Variants in ATM observed in about 807,000 individuals in gnomAD.
The protein encoded by ATM is ATM serine/threonine kinase, also known as serine-protein kinase ATM.
In ATM, 308 loss-of-function variants were observed where a neutral mutation model predicts 387.0. That is an observed-to-expected ratio of 0.80 (90% CI 0.73 to 0.87). The LOEUF (loss-of-function observed/expected upper bound fraction) is 0.87, where lower values mean the gene tolerates loss of function less well. Ranked by LOEUF, ATM falls within the 40% of genes least tolerant of loss-of-function variation. ATM has a pLI of 0.00. For missense variants in ATM, 3,312 were observed against 3,560.9 expected (o/e 0.93, Z 1.78); for synonymous variants, 1,156 against 1,187.3 (o/e 0.97, Z 0.54).
chr11:108,333,911 G>A lies in ATM; in HGVS notation c.7953G>A (p.Gln2651=), dbSNP rs2136612664. 6.2e-7 allele frequency: 1 copy of A among 1,610,968 alleles called. No individual in the cohort carries two copies. Among genetic ancestry groups the A allele is most frequent in the South Asian group, 1.1e-5 (1 of 91,020 alleles). Residue 2651 remains glutamine (Q), a synonymous_variant, in exon 54 of 63, where the codon CAG becomes CAA. Coordinates refer to ENST00000675843, the MANE Select transcript of ATM (RefSeq NM_000051.4). ...AAGGCATAAATATTCCAGCAGACCA[G>A]CCAATTACTAAACTTAAGAATTTAG... The part of the protein sequence containing the change: ...QRKGINIPAD[Q]PITKLKNLED...
Position 108,303,674 on chromosome 11 carries a change from T to C in ATM, c.5496+645T>C, listed in dbSNP as rs536571390. Among the ~76,000 whole-genome samples, 37 of 152,286 alleles carry C rather than the reference T, an allele frequency of 2.4e-4. No homozygotes were observed. Among genetic ancestry groups the C allele is most frequent in the Non-Finnish European group, 4.3e-4 (29 of 67,970 alleles). On this transcript the variant is annotated intron_variant, in intron 36 of 62. Transcript: ENST00000675843. The stretch of plus-strand genomic sequence containing the variant: ...CGTAATGTACTCACATTGAAAGCAA[T>C]GTAAGAAGCAGTTCTTATTTTCTAC...
chr11:108,247,048 G>A lies in ATM; in HGVS notation c.986G>A (p.Arg329Lys), dbSNP rs776938735. The A allele has an allele frequency of 3.1e-5, 50 of 1,613,656 alleles. 2 individuals carry two copies. The South Asian group carries it at 5.1e-4, about 16-fold the overall frequency. ...AATGAGATAAGTCATATAGGAAGTA[G>A]AGGAAAGTATTCTTCAGGATTTCGT... The part of the protein sequence containing the change: ...LVNEISHIGS[R>K]GKYSSGFRNI... Residue 329 changes from arginine to lysine, a missense_variant, in exon 8 of 63, where the codon AGA (arginine) becomes AAA (lysine). Transcript: ENST00000675843.
At chr11:108,293,137 C>G (rs925349611) in intron 30 of ATM, among the ~76,000 whole-genome samples, 176 bp from the exon 31 acceptor site, 1 of 152,068 alleles carries the variant, frequency 6.6e-6, no homozygotes, top group African/African-American at 2.4e-5. Context: ...TAGTACCTTA[C>G]ATAGTTATTG....
intron 4 of ATM, among the ~76,000 whole-genome samples, chr11:108,231,192 C>T (rs641605): frequency 0.53 from 79,814 of 151,948 alleles, 21,792 homozygotes; most frequent in Middle Eastern, 0.73. Flanking sequence ...ATTTTTTTCT[C>T]CTGATGAGCC....
At chr11:108,226,817 C>G (rs2078761078) in intron 1 of ATM, 1 of 152,248 alleles carries the variant, frequency 6.6e-6, no homozygotes, top group East Asian at 1.9e-4. Flanking sequence ...AGCGATTCTC[C>G]TACCTCAGCC....
chr11:108,244,249 T>C (rs1415452285), intron 6 of ATM, 131 bp downstream of exon 6: 2 of 1,092,322 alleles, frequency 1.8e-6, no homozygotes, highest in African/African-American at 3.2e-5. Context: ...AACTAGTGGA[T>C]TCCTAAAGAG....
chr11:108,267,088 G>A (rs779192352), intron 16 of ATM, 83 bp from the exon 17 acceptor site: 1 of 1,395,492 alleles, frequency 7.2e-7, no homozygotes, highest in Non-Finnish European at 1.0e-6. Flanking sequence ...GAGCCACTGT[G>A]CCCAGCCTGA....
intron 42 of ATM, among the ~76,000 whole-genome samples, chr11:108,317,102 TTA>T (rs1565501941): frequency 1.4e-5 from 2 of 144,516 alleles, no homozygotes; most frequent in Admixed American, 6.9e-5. Context: ...CCCAGCTATT[TTA>T]AAAAAAAAAA....
At position 108,251,887 on chromosome 11, in the gene ATM, GA is replaced by G. The variant is rs876658572; in HGVS notation, c.1660del (p.Thr554ArgfsTer2). On this transcript the variant is annotated frameshift_variant, in exon 11 of 63. Transcript: ENST00000675843. LOFTEE classifies it high-confidence loss of function. ...GCACTGACCACCAGTATAGTTCCAG[GA>G]ACGGTAAAAATGGGAATAGAGCAAA... Reference protein sequence around the residue: ...TLALTTSIVPGTVKMGIEQNM... With the variant: ...TLALTTSIVPXTVKMGIEQNM... The G allele has an allele frequency of 6.2e-7, 1 of 1,613,886 alleles. No homozygotes were observed. The highest frequency in any genetic ancestry group is 8.5e-7 in the Non-Finnish European group (1 of 1,179,844).
At chr11:108,288,813 G>A (rs1376647516) in intron 27 of ATM, among the ~76,000 whole-genome samples, 164 bp from the exon 28 acceptor site, 1 of 152,114 alleles carries the variant, frequency 6.6e-6, no homozygotes, top group Non-Finnish European at 1.5e-5. Flanking sequence ...TATCTGGACT[G>A]TGATATGTCA....
At chr11:108,231,310 A>G (rs1194677683) in intron 4 of ATM, among the ~76,000 whole-genome samples, 2 of 152,150 alleles carry the variant, frequency 1.3e-5, no homozygotes, top group South Asian at 2.1e-4. Flanking sequence ...GGCTTTACAC[A>G]TACTGAAAAG....
chr11:108,355,379 C>T (rs149694895), intron 61 of ATM: 5 of 173,722 alleles, frequency 2.9e-5, no homozygotes, highest in African/African-American at 1.2e-4. Flanking sequence ...TGGGACAGCT[C>T]ACCTGAATAG....
chr11:108,333,167 A>G (rs1310417871), intron 53 of ATM, among the ~76,000 whole-genome samples: 1 of 152,216 alleles, frequency 6.6e-6, no homozygotes, highest in East Asian at 1.9e-4. Context: ...AGAGAATTGC[A>G]TAATAGAGGC....
In ATM at chr11:108,365,694, C is replaced by T; in HGVS notation, c.*186C>T. 1.3e-6 allele frequency: 1 copy of T among 744,246 alleles called. No homozygotes were observed. The highest frequency in any genetic ancestry group is 2.1e-6 in the Non-Finnish European group (1 of 468,950). The allele number at this position is 744,246 out of a possible 1,614,324, so 46.1% of individuals were successfully genotyped here. On this transcript the variant is annotated 3_prime_UTR_variant, in exon 63 of 63. Coordinates refer to ENST00000675843, the MANE Select transcript of ATM (RefSeq NM_000051.4). ...AAAATGTTTTGATGGTCTTAAGGAA[C>T]ATCTCTGCTTTCACTCTTTAGAAAT... is the stretch of plus-strand genomic sequence containing the variant.
Position 108,326,043 on chromosome 11 carries a change from T to C in ATM, c.6808-15T>C. 2 of 1,613,154 alleles carry C rather than the reference T, an allele frequency of 1.2e-6. No homozygotes were observed. Among genetic ancestry groups the C allele is most frequent in the Non-Finnish European group, 1.7e-6 (2 of 1,179,244 alleles). On this transcript the variant is annotated splice_polypyrimidine_tract_variant and intron_variant, in intron 46 of 62. Coordinates refer to ENST00000675843, the MANE Select transcript of ATM (RefSeq NM_000051.4). ...TAGTAAAAGTATTTATTCCCATATG[T>C]CATTTTCATTTCAGCTCCCTGAAAG...
intron 56 of ATM, 67 bp downstream of exon 56, chr11:108,336,028 G>C: frequency 8.2e-7 from 1 of 1,220,844 alleles, no homozygotes; most frequent in East Asian, 2.4e-5. Context: ...TGGGTGAAGT[G>C]GCTCATGCCC....
At position 108,297,388 on chromosome 11, in the gene ATM, C is replaced by T; in HGVS notation, c.5005+6C>T. ...TGGTGAAAAAGAAGTTCTAGGTAAA[C>T]TACAGTCATGCGCTGCGTGACATTT... On this transcript the variant is annotated splice_donor_region_variant and intron_variant, in intron 33 of 62. Coordinates refer to ENST00000675843, the MANE Select transcript of ATM (RefSeq NM_000051.4). 6.2e-7 allele frequency: 1 copy of T among 1,608,172 alleles called. No homozygotes were observed. Among genetic ancestry groups the T allele is most frequent in the Non-Finnish European group, 8.5e-7 (1 of 1,174,706 alleles).
chr11:108,271,162 C>A lies in ATM; in HGVS notation c.2921+16C>A, dbSNP rs558376224. 47 of 1,613,224 alleles carry A rather than the reference C, an allele frequency of 2.9e-5. No individual in the cohort carries two copies. Among genetic ancestry groups the A allele is most frequent in the Non-Finnish European group, 3.8e-5 (45 of 1,179,760 alleles). On this transcript the variant is annotated intron_variant, in intron 19 of 62. Transcript: ENST00000675843. The stretch of plus-strand genomic sequence containing the variant: ...AACCACTATCGTAAGAAATTAAAAC[C>A]TTATGTTATGTTCACTTTAAAGTTA...
At position 108,347,353 on chromosome 11, in the gene ATM, C is replaced by T. The variant is rs1591274530; in HGVS notation, c.8659C>T (p.His2887Tyr). Residue 2887 changes from histidine (H) to tyrosine (Y), a missense_variant, in exon 59 of 63, where the codon CAT becomes TAT. By Grantham distance (83) the His-to-Tyr change is moderately conservative (BLOSUM62 2). This residue lies in a region of ATM where 1,405 missense variants were observed against 1,604.4 expected (regional missense o/e 0.88). Coordinates refer to ENST00000675843, the MANE Select transcript of ATM (RefSeq NM_000051.4). Reference sequence around the variant, plus strand: ...AAATGAGCAGTCAGCAGAACTTGTACATATAGATCTAGGTAAGTAATAAAA... The same window carrying T: ...AAATGAGCAGTCAGCAGAACTTGTATATATAGATCTAGGTAAGTAATAAAA... ...LINEQSAELVHIDLGVAFEQG... is the reference protein window; with the variant it reads ...LINEQSAELVYIDLGVAFEQG... The T allele has an allele frequency of 1.3e-6, 2 of 1,599,912 alleles. No individual in the cohort carries two copies. Among genetic ancestry groups the T allele is most frequent in the South Asian group, 1.1e-5 (1 of 90,762 alleles).
Sources: allele counts gnomAD v4.1 joint callset (sites outside exome capture counted in the v4.1 genomes callset), GRCh38; gene constraint gnomAD v4.1.1; regional missense constraint gnomAD v4.1.1; transcripts MANE v1.5; gene names NCBI Gene and HGNC (gene_info 2026-07-23, HGNC 2026-07-21).